Variants in MYLK4 observed in about 807,000 individuals in gnomAD.
The protein encoded by MYLK4 is caMLCK like.
A neutral mutation model predicts 48.1 loss-of-function variants in MYLK4; 46 were observed. The ratio of observed to expected loss-of-function variants is 0.96; its 90% CI spans 0.75 to 1.22. The LOEUF (loss-of-function observed/expected upper bound fraction) is 1.22, where lower values mean the gene tolerates loss of function less well. MYLK4 is among the 50% of genes most tolerant of loss of function. The probability of loss-of-function intolerance (pLI) is 0.00; values close to 1 mark genes in which losing one functional copy is unlikely to be tolerated. For synonymous variants in MYLK4, 170 were observed against 180.8 expected, an observed-to-expected ratio of 0.94 and a Z score of 0.48; for missense variants, 451 against 486.1, an observed-to-expected ratio of 0.93 and a Z score of 0.68.
intron 11 of MYLK4, 84 bp downstream of exon 11, chr6:2,674,963 T>G (rs1761030911): frequency 7.7e-6 from 7 of 905,810 alleles, no homozygotes; most frequent in Non-Finnish European, 1.3e-5. Flanking sequence ...AGAATCTTAT[T>G]TAAGGTTAAG....
Position 2,683,021 on chromosome 6 carries a change from C to T in MYLK4, c.687G>A (p.Lys229=), listed in dbSNP as rs765878267. The stretch of plus-strand genomic sequence containing the variant: ...CTCACAGGATACAAAACACCCTTAC[C>T]TTCAGGTCCAAGTGGAGAATGTACA... The part of the protein sequence containing the change: ...HQMYILHLDL[K]PENILCVNRD... Residue 229 remains lysine, a splice_region_variant and synonymous_variant, in exon 7 of 13, where the codon AAG becomes AAA. Coordinates refer to ENST00000274643, the MANE Select transcript of MYLK4 (RefSeq NM_001012418.5). The T allele has an allele frequency of 1.2e-6, 2 of 1,614,044 alleles. No individual in the cohort carries two copies. The highest frequency in any genetic ancestry group is 8.5e-7 in the Non-Finnish European group (1 of 1,180,042).
At chr6:2,682,209 T>C (rs1213161792) in intron 7 of MYLK4, among the ~76,000 whole-genome samples, 2 of 152,314 alleles carry the variant, frequency 1.3e-5, no homozygotes, top group African/African-American at 4.8e-5. Context: ...TATGTTACTG[T>C]CACGCTGTGC....
At chr6:2,677,978 G>C (rs1761141306) in intron 10 of MYLK4, among the ~76,000 whole-genome samples, 1 of 152,174 alleles carries the variant, frequency 6.6e-6, no homozygotes, top group African/African-American at 2.4e-5. Context: ...GGCCCAGCAG[G>C]AGTCCATGGC....
In MYLK4 at chr6:2,678,280, A is replaced by C; in HGVS notation, c.980T>G (p.Phe327Cys). ...ACRWDLEDEEFQDISEEAKEF... is the reference protein window; with the variant it reads ...ACRWDLEDEECQDISEEAKEF... Reference sequence around the variant, plus strand: ...CTTGGCCTCCTCCGAGATGTCCTGAAATTCTTCATCCTCTAAGTCCCACCT... The same window carrying C: ...CTTGGCCTCCTCCGAGATGTCCTGACATTCTTCATCCTCTAAGTCCCACCT... The change falls in exon 10 of 13, where the codon TTT becomes TGT. Residue 327 changes from phenylalanine (F) to cysteine (C), a missense_variant. By Grantham distance (205) the Phe-to-Cys change is radical. Transcript: ENST00000274643. The C allele has an allele frequency of 6.2e-7, 1 of 1,614,118 alleles. No homozygotes were observed. Among genetic ancestry groups the C allele is most frequent in the Non-Finnish European group, 8.5e-7 (1 of 1,180,012 alleles).
Position 2,683,022 on chromosome 6 carries a change from T to C in MYLK4, c.686A>G (p.Lys229Arg). 5 of 1,614,142 alleles carry C rather than the reference T, an allele frequency of 3.1e-6. No individual in the cohort carries two copies. The South Asian group carries it at 4.4e-5, about 14-fold the overall frequency. The part of the protein sequence containing the change: ...HQMYILHLDL[K>R]PENILCVNRD... Reference sequence around the variant, plus strand: ...TCACAGGATACAAAACACCCTTACCTTCAGGTCCAAGTGGAGAATGTACAT... The same window carrying C: ...TCACAGGATACAAAACACCCTTACCCTCAGGTCCAAGTGGAGAATGTACAT... Residue 229 changes from lysine to arginine, a missense_variant and splice_region_variant, in exon 7 of 13, where the codon AAG (lysine) becomes AGG (arginine). Physicochemically the swap from Lys to Arg is conservative, Grantham distance 26. Transcript: ENST00000274643.
chr6:2,757,160 G>A, the MYLK4 span, among the ~76,000 whole-genome samples: 1 of 150,208 alleles, frequency 6.7e-6, no homozygotes, highest in African/African-American at 2.5e-5. Flanking sequence ...TTTAATTAAA[G>A]ATAAAAGTTG....
At chr6:2,680,347 G>A in intron 7 of MYLK4, 56 bp from the exon 8 acceptor site, 14 of 1,609,456 alleles carry the variant, frequency 8.7e-6, no homozygotes, top group Non-Finnish European at 1.2e-5. Flanking sequence ...CACTCAAATT[G>A]TCCTTGAACC....
the MYLK4 span, among the ~76,000 whole-genome samples, chr6:2,761,936 G>A: frequency 2.6e-5 from 4 of 152,016 alleles, no homozygotes; most frequent in African/African-American, 9.7e-5. Context: ...TTTTTGAGAC[G>A]GATTCTCGCT....
At chr6:2,678,724 T>C (rs567437062) in intron 9 of MYLK4, among the ~76,000 whole-genome samples, 1 of 151,552 alleles carries the variant, frequency 6.6e-6, no homozygotes, top group Admixed American at 6.6e-5. Flanking sequence ...TTTTTTTTTT[T>C]TTTTTGAGAC....
intron 2 of MYLK4, among the ~76,000 whole-genome samples, chr6:2,738,922 T>A (rs192356940): frequency 3.3e-4 from 51 of 152,336 alleles, no homozygotes; most frequent in South Asian, 8.3e-4. Context: ...TGAGTGATAA[T>A]GATATGTTAA....
At chr6:2,667,967 G>A (rs1760723771) in intron 12 of MYLK4, 68 bp from the exon 13 acceptor site, 1 of 152,418 alleles carries the variant, frequency 6.6e-6, no homozygotes. Context: ...TTAGTTGGTT[G>A]TGCCCCTTAG....
At chr6:2,744,418 C>T (rs1173558887) in intron 2 of MYLK4, among the ~76,000 whole-genome samples, 1 of 152,216 alleles carries the variant, frequency 6.6e-6, no homozygotes, top group Non-Finnish European at 1.5e-5. Flanking sequence ...TTCTCCTGCC[C>T]TTACAGGGTG....
chr6:2,678,974 T>A (rs904328459), intron 9 of MYLK4, among the ~76,000 whole-genome samples: 1 of 152,192 alleles, frequency 6.6e-6, no homozygotes, highest in Non-Finnish European at 1.5e-5. Flanking sequence ...AGTGCTGGGA[T>A]TACAGGCTTG....
the MYLK4 span, chr6:2,766,139 GATGGC>G: frequency 8.1e-7 from 1 of 1,241,046 alleles, no homozygotes; most frequent in Non-Finnish European, 1.0e-6. Context: ...GGGCGACGGC[GATGGC>G]GACGGGGACG....
chr6:2,688,634 A>G (rs1761652738), intron 4 of MYLK4, among the ~76,000 whole-genome samples: 1 of 148,504 alleles, frequency 6.7e-6, no homozygotes, highest in Non-Finnish European at 1.5e-5. Flanking sequence ...TCTTTTAGAC[A>G]TTACAACATG....
At chr6:2,762,706 C>T in the MYLK4 span, among the ~76,000 whole-genome samples, 2 of 152,202 alleles carry the variant, frequency 1.3e-5, no homozygotes, top group African/African-American at 4.8e-5. Context: ...TAGACCCTCA[C>T]GGAAACTGTT....
rs535031938 is a variant in MYLK4 at position 2,689,715 on chromosome 6, C to T, written c.236-759G>A. On this transcript the variant is annotated intron_variant, in intron 3 of 12. Coordinates refer to ENST00000274643, the MANE Select transcript of MYLK4 (RefSeq NM_001012418.5). Reference sequence around the variant, plus strand: ...GCTTGCCATGAACCTGCTCATTCTTCGTTAATTCATTTACTAAGCAGCGAC... The same window carrying T: ...GCTTGCCATGAACCTGCTCATTCTTTGTTAATTCATTTACTAAGCAGCGAC... Among the ~76,000 whole-genome samples, 7 of 152,298 alleles carry T rather than the reference C, an allele frequency of 4.6e-5. No individual in the cohort carries two copies. The South Asian group carries it at 1.2e-3, about 27-fold the overall frequency.
intron 2 of MYLK4, among the ~76,000 whole-genome samples, chr6:2,737,182 G>A (rs9405583): frequency 0.43 from 66,021 of 151,922 alleles, 15,003 homozygotes; most frequent in East Asian, 0.56. Context: ...GCGTGGTGGC[G>A]CCCGCCTGTA....
chr6:2,765,448 A>C, the MYLK4 span: 5 of 736,254 alleles, frequency 6.8e-6, no homozygotes, highest in Non-Finnish European at 9.1e-6. Context: ...GGGCGGGCGG[A>C]CGCGGGAGCT....
Sources: gnomAD v4.1 joint callset for allele counts (sites outside exome capture counted in the v4.1 genomes callset) on GRCh38, gnomAD v4.1.1 for gene constraint, MANE v1.5 for transcripts, NCBI Gene and HGNC (gene_info 2026-07-23, HGNC 2026-07-21) for gene names.